FKBP15: variants seen among roughly 807,000 people sequenced by gnomAD.
The protein encoded by FKBP15 is FKBP prolyl isomerase family member 15.
A neutral mutation model predicts 158.1 loss-of-function variants in FKBP15; 106 were observed. The ratio of observed to expected loss-of-function variants is 0.67; its 90% confidence interval spans 0.57 to 0.79. The LOEUF (loss-of-function observed/expected upper bound fraction) is 0.79. FKBP15 is among the 30% of genes least tolerant of loss of function. FKBP15 has a pLI of 0.00. For synonymous variants in FKBP15, 547 were observed against 548.6 expected (o/e 1.00, Z 0.04); for missense variants, 1,287 against 1,479.1 (o/e 0.87, Z 2.13).
intron 11 of FKBP15, among the ~76,000 whole-genome samples, chr9:113,191,979 G>A (rs186369149): frequency 8.4e-4 from 126 of 150,888 alleles, no homozygotes; most frequent in African/African-American, 2.9e-3. Context: ...GAAAAAGAAA[G>A]GTGGTTAATT....
chr9:113,179,155 G>A (rs1564158091), intron 19 of FKBP15, among the ~76,000 whole-genome samples: 1 of 151,862 alleles, frequency 6.6e-6, no homozygotes, highest in Non-Finnish European at 1.5e-5. Flanking sequence ...TCAGCCTCTG[G>A]AGTAGCTGGG....
At chr9:113,220,523 A>G (rs1831229004) in intron 1 of FKBP15, among the ~76,000 whole-genome samples, 1 of 152,208 alleles carries the variant, frequency 6.6e-6, no homozygotes, top group Non-Finnish European at 1.5e-5. Context: ...AGCTTTACAA[A>G]GTGCAATTTC....
intron 2 of FKBP15, among the ~76,000 whole-genome samples, chr9:113,207,550 G>A (rs1357197307): frequency 2.6e-5 from 4 of 151,896 alleles, no homozygotes; most frequent in African/African-American, 9.7e-5. Flanking sequence ...ATGTTGGACA[G>A]GCTGGTCTTG....
At chr9:113,167,516 G>A (rs967762657) in intron 27 of FKBP15, among the ~76,000 whole-genome samples, 7 of 152,066 alleles carry the variant, frequency 4.6e-5, no homozygotes, top group African/African-American at 1.4e-4. Flanking sequence ...GAAGGAACTG[G>A]TACATTCCCC....
chr9:113,182,789 C>T lies in FKBP15; in HGVS notation c.1891G>A (p.Val631Ile), dbSNP rs1176311858. 6 of 1,613,684 alleles carry T rather than the reference C, an allele frequency of 3.7e-6. No individual in the cohort carries two copies. Among genetic ancestry groups the T allele is most frequent in the Non-Finnish European group, 5.1e-6 (6 of 1,179,666 alleles). The change falls in exon 19 of 28, where the codon GTA (valine) becomes ATA (isoleucine). Residue 631 changes from valine to isoleucine, a missense_variant. Physicochemically the swap from Val to Ile is conservative, Grantham distance 29 (BLOSUM62 3). Coordinates refer to ENST00000238256, the MANE Select transcript of FKBP15 (RefSeq NM_015258.2). ...QTATENTQARVLHAEQEKAKV... is the reference protein window; with the variant it reads ...QTATENTQARILHAEQEKAKV... ...ACCTTCTCTTGTTCAGCATGCAATA[C>T]TCTTGCCTGTGTGTTTTCTGTGGCT...
chr9:113,198,377 A>C lies in FKBP15; in HGVS notation c.717+478T>G, dbSNP rs371165119. 2.4e-4 allele frequency among the ~76,000 whole-genome samples: 36 copies of C among 152,328 alleles called. No homozygotes were observed. The East Asian group carries it at 4.2e-3, about 18-fold the overall frequency. On this transcript the variant is annotated intron_variant, in intron 8 of 27. Transcript: ENST00000238256. The surrounding 1 kb of genome is among the most constrained non-coding windows in gnomAD (Gnocchi z 5.2). Reference sequence around the variant, plus strand: ...TTCAATGTAGTGTCTCATAGATAAAAATCTCCCAAATGCAATGTAACACAT... The same window carrying C: ...TTCAATGTAGTGTCTCATAGATAAACATCTCCCAAATGCAATGTAACACAT...
chr9:113,212,440 C>T (rs958808272), intron 1 of FKBP15, among the ~76,000 whole-genome samples: 3 of 152,116 alleles, frequency 2.0e-5, no homozygotes, highest in Non-Finnish European at 2.9e-5. Context: ...CCACCCACCT[C>T]GGCCTCCCAA....
intron 1 of FKBP15, among the ~76,000 whole-genome samples, chr9:113,214,039 C>T (rs1831070849): frequency 6.6e-6 from 1 of 152,054 alleles, no homozygotes; most frequent in South Asian, 2.1e-4. Flanking sequence ...CTCAACCAAT[C>T]CTCCCACCTC....
At chr9:113,214,081 C>T (rs1831071666) in intron 1 of FKBP15, among the ~76,000 whole-genome samples, 1 of 152,086 alleles carries the variant, frequency 6.6e-6, no homozygotes, top group Admixed American at 6.5e-5. Context: ...TACAGGCATG[C>T]ACCACCACAC....
intron 18 of FKBP15, 32 bp downstream of exon 18, chr9:113,183,719 C>G: frequency 6.9e-7 from 1 of 1,457,124 alleles, no homozygotes; most frequent in Non-Finnish European, 9.6e-7. Context: ...ACCCTTTTGT[C>G]CATCCTAGCC....
At position 113,166,158 on chromosome 9, in the gene FKBP15, G is replaced by A. The variant is rs1830096026; in HGVS notation, c.3583-3C>T. The stretch of plus-strand genomic sequence containing the variant: ...GGGGGCGGGCGTCCCTTCATGCTCT[G>A]ATAAAACAGGAAAGAGCAGTCAGTC... On this transcript the variant is annotated splice_region_variant and splice_polypyrimidine_tract_variant and intron_variant, in intron 27 of 27. Transcript: ENST00000238256. The A allele has an allele frequency of 6.2e-7, 1 of 1,610,866 alleles. No individual in the cohort carries two copies. The highest frequency in any genetic ancestry group is 1.3e-5 in the African/African-American group (1 of 75,024).
chr9:113,183,422 AAG>A lies in FKBP15; in HGVS notation c.1811+327_1811+328del, dbSNP rs375781614. Among the ~76,000 whole-genome samples the A allele has an allele frequency of 3.9e-3, 600 of 152,212 alleles. 2 individuals carry two copies. Among genetic ancestry groups the A allele is most frequent in the Non-Finnish European group, 4.8e-3 (326 of 68,016 alleles). Reference sequence around the variant, plus strand: ...TAGAGTTAGCCCACACAGAAGAGAGAAGAGTTGACACCAGAGTTCTGTAAGTA... The same window carrying A: ...TAGAGTTAGCCCACACAGAAGAGAGAAGTTGACACCAGAGTTCTGTAAGTA... On this transcript the variant is annotated intron_variant, in intron 18 of 27. Coordinates refer to ENST00000238256, the MANE Select transcript of FKBP15 (RefSeq NM_015258.2).
At chr9:113,207,761 G>A (rs1204226856) in intron 2 of FKBP15, among the ~76,000 whole-genome samples, 1 of 151,924 alleles carries the variant, frequency 6.6e-6, no homozygotes, top group Non-Finnish European at 1.5e-5. Context: ...TCTAGTCTGG[G>A]GGTGAAGAAA....
At chr9:113,181,481 C>A (rs1263940499) in intron 19 of FKBP15, among the ~76,000 whole-genome samples, 1 of 152,146 alleles carries the variant, frequency 6.6e-6, no homozygotes, top group African/African-American at 2.4e-5. Flanking sequence ...CTGACAAGAG[C>A]AGTAATTCCT....
At chr9:113,204,222 C>A (rs1333665526) in intron 4 of FKBP15, among the ~76,000 whole-genome samples, 2 of 152,190 alleles carry the variant, frequency 1.3e-5, no homozygotes, top group African/African-American at 4.8e-5. Flanking sequence ...GGATTACAGG[C>A]ATGTGCCATC....
chr9:113,193,894 C>T, intron 10 of FKBP15, 133 bp downstream of exon 10: 1 of 1,072,280 alleles, frequency 9.3e-7, no homozygotes, highest in Non-Finnish European at 1.3e-6. Flanking sequence ...AAGTATCTTC[C>T]CCATTTCCCT....
At chr9:113,167,430 T>C (rs1418258023) in intron 27 of FKBP15, among the ~76,000 whole-genome samples, 1 of 152,158 alleles carries the variant, frequency 6.6e-6, no homozygotes, top group Non-Finnish European at 1.5e-5. Flanking sequence ...TTCCCCCTTT[T>C]TTCCTTTTTT....
chr9:113,180,796 GT>G (rs900586211), intron 19 of FKBP15, among the ~76,000 whole-genome samples: 2 of 152,094 alleles, frequency 1.3e-5, no homozygotes, highest in African/African-American at 4.8e-5. Context: ...AGCTCTTCCA[GT>G]TTTAGCCATT....
intron 8 of FKBP15, among the ~76,000 whole-genome samples, chr9:113,197,971 T>C (rs956232412): frequency 2.0e-5 from 3 of 152,240 alleles, no homozygotes; most frequent in Non-Finnish European, 4.4e-5. Context: ...AGAACCTTTT[T>C]GCCACACAGA....
Sources: gnomAD v4.1 joint callset for allele counts (sites outside exome capture counted in the v4.1 genomes callset) on GRCh38, gnomAD v4.1.1 for gene constraint, Gnocchi (gnomAD v3.1) non-coding constraint, MANE v1.5 for transcripts, NCBI Gene and HGNC (gene_info 2026-07-23, HGNC 2026-07-21) for gene names.